The following BCL2L14 variants were observed in gnomAD, a reference collection of about 807,000 sequenced individuals.
BCL2L14 encodes BCL2 like 14.
Under a neutral mutation model 35.3 loss-of-function variants are expected in BCL2L14, and 27 were observed. That is an observed-to-expected ratio of 0.76 (90% CI 0.56 to 1.05). The LOEUF (loss-of-function observed/expected upper bound fraction) is 1.05. Among genes scored for constraint, BCL2L14 ranks in the 50% least tolerant of loss-of-function variants. The pLI, the probability that BCL2L14 is intolerant of heterozygous loss-of-function variation, is 0.00. For synonymous variants in BCL2L14, 139 were observed against 145.9 expected, an observed-to-expected ratio of 0.95 and a Z score of 0.34; for missense variants, 377 against 382.6, an observed-to-expected ratio of 0.99 and a Z score of 0.12.
chr12:12,063,912 GAAC>G (rs761429929), intron 2 of BCL2L14, among the ~76,000 whole-genome samples: 12 of 151,782 alleles, frequency 7.9e-5, no homozygotes, highest in Non-Finnish European at 1.6e-4. Flanking sequence ...GCCCGCCAGA[GAAC>G]AACCCCCCTT....
intron 2 of BCL2L14, among the ~76,000 whole-genome samples, chr12:12,085,998 C>A (rs562799109): frequency 6.6e-5 from 10 of 152,258 alleles, no homozygotes; most frequent in African/African-American, 2.2e-4. Flanking sequence ...TCCAAGACAG[C>A]TTGTACAAGC....
At chr12:12,053,284 C>A (rs1234343718) in intron 2 of BCL2L14, among the ~76,000 whole-genome samples, 1 of 152,180 alleles carries the variant, frequency 6.6e-6, no homozygotes, top group African/African-American at 2.4e-5. Flanking sequence ...AATCTAATAG[C>A]AGAGCTGGGA....
At chr12:12,075,650 C>T (rs1364345335) in intron 1 of BCL2L14, among the ~76,000 whole-genome samples, 1 of 150,704 alleles carries the variant, frequency 6.6e-6, no homozygotes, top group Non-Finnish European at 1.5e-5. Flanking sequence ...GTCTCAAACT[C>T]CCGACCTCTG....
chr12:12,052,250 AG>A (rs1482160604), intron 2 of BCL2L14, among the ~76,000 whole-genome samples: 3 of 152,218 alleles, frequency 2.0e-5, no homozygotes, highest in African/African-American at 4.8e-5. Flanking sequence ...AAAACATTTA[AG>A]ATCTACTTTT....
upstream of BCL2L14, chr12:12,068,055 C>T (rs1036412484): frequency 4.6e-5 from 18 of 394,442 alleles, no homozygotes; most frequent in South Asian, 4.2e-4. Context: ...GCAATCCTCC[C>T]GCCTCAGTCT....
intron 2 of BCL2L14, among the ~76,000 whole-genome samples, chr12:12,053,151 T>C (rs974043813): frequency 6.6e-6 from 1 of 152,186 alleles, no homozygotes. Flanking sequence ...ATATTTACAT[T>C]TACATCCTAC....
intron 5 of BCL2L14, among the ~76,000 whole-genome samples, chr12:12,098,463 G>A (rs1342715733): frequency 1.3e-5 from 2 of 152,170 alleles, no homozygotes; most frequent in South Asian, 2.1e-4. Context: ...CTTGTAGAAC[G>A]GTGAATGAAT....
At chr12:12,060,112 C>T (rs112449891) in intron 2 of BCL2L14, among the ~76,000 whole-genome samples, 4 of 151,478 alleles carry the variant, frequency 2.6e-5, no homozygotes, top group Non-Finnish European at 4.4e-5. Context: ...CGCAATTCTT[C>T]CTCAGCCTCT....
intron 3 of BCL2L14, 133 bp from the exon 4 acceptor site, chr12:12,090,646 T>G (rs11829675): frequency 3.4e-5 from 11 of 321,636 alleles, no homozygotes; most frequent in Admixed American, 1.3e-4. Flanking sequence ...AAATAAAAAA[T>G]AAAAAAAAAA....
chr12:12,075,403 T>C (rs1948757792), intron 1 of BCL2L14, among the ~76,000 whole-genome samples: 1 of 136,234 alleles, frequency 7.3e-6, no homozygotes, highest in Admixed American at 8.1e-5. Flanking sequence ...CTGCCTGATA[T>C]GTTTCTATTC....
At chr12:12,054,292 C>A (rs975409953) in intron 2 of BCL2L14, among the ~76,000 whole-genome samples, 4 of 152,080 alleles carry the variant, frequency 2.6e-5, no homozygotes, top group Admixed American at 2.6e-4. Flanking sequence ...CACCTGAAGT[C>A]AGGAGTTCGA....
chr12:12,098,411 G>T (rs1259082162), intron 5 of BCL2L14, among the ~76,000 whole-genome samples: 1 of 152,102 alleles, frequency 6.6e-6, no homozygotes, highest in African/African-American at 2.4e-5. Flanking sequence ...ATCTCCCATA[G>T]CTCCCATTCC....
At chr12:12,091,866 G>C (rs1949196557) in intron 4 of BCL2L14, among the ~76,000 whole-genome samples, 1 of 152,196 alleles carries the variant, frequency 6.6e-6, no homozygotes, top group Non-Finnish European at 1.5e-5. Context: ...TCCAGAGCTA[G>C]TGTCATGGAT....
intron 1 of BCL2L14, chr12:12,072,368 C>T (rs34206364): frequency 0.13 from 19,240 of 152,328 alleles, 1,304 homozygotes; most frequent in Admixed American, 0.17. Flanking sequence ...TCAGCACACC[C>T]GGCCAGGCAG....
intron 2 of BCL2L14, among the ~76,000 whole-genome samples, chr12:12,085,217 T>C (rs1349956058): frequency 1.3e-5 from 2 of 152,124 alleles, no homozygotes; most frequent in African/African-American, 4.8e-5. Context: ...GGACCCTTCA[T>C]GGAGCTTCTT....
At chr12:12,064,038 G>A (rs900800835) in intron 2 of BCL2L14, among the ~76,000 whole-genome samples, 9 of 152,148 alleles carry the variant, frequency 5.9e-5, no homozygotes, top group Admixed American at 3.9e-4. Flanking sequence ...CTCACACAAA[G>A]CCTGTTTAGT....
At chr12:12,070,382 G>T (rs1393430831), upstream of BCL2L14, among the ~76,000 whole-genome samples, 1 of 152,140 alleles carries the variant, frequency 6.6e-6, no homozygotes, top group Non-Finnish European at 1.5e-5. Context: ...GCCTCTCAAT[G>T]TTGTTAAGAT....
At chr12:12,079,844 T>G (rs1352013403) in intron 2 of BCL2L14, 106 bp downstream of exon 2, 4 of 1,142,870 alleles carry the variant, frequency 3.5e-6, no homozygotes, top group Non-Finnish European at 5.0e-6. Context: ...AGAGAAGGCA[T>G]GCGTTGTGCC....
chr12:12,070,020 C>A (rs1298642909), upstream of BCL2L14, among the ~76,000 whole-genome samples: 1 of 152,192 alleles, frequency 6.6e-6, no homozygotes, highest in Non-Finnish European at 1.5e-5. Context: ...TGATCTCAAG[C>A]ATGGCCATAT....
Sources: allele counts gnomAD v4.1 joint callset (sites outside exome capture counted in the v4.1 genomes callset), GRCh38; gene constraint gnomAD v4.1.1; transcripts MANE v1.5; gene names NCBI Gene and HGNC (gene_info 2026-07-23, HGNC 2026-07-21).